The following RTN3 variants were observed in gnomAD, a reference collection of about 807,000 sequenced individuals.
RTN3 encodes the protein reticulon-3.
Under a neutral mutation model 77.8 loss-of-function variants are expected in RTN3, and 49 were observed. That is an observed-to-expected ratio of 0.63 (90% confidence interval 0.50 to 0.80). The LOEUF (loss-of-function observed/expected upper bound fraction) is 0.80, where lower values mean the gene tolerates loss of function less well. Ranked by LOEUF, RTN3 falls within the 30% of genes least tolerant of loss-of-function variation. RTN3 has a pLI of 0.00. For missense variants in RTN3, 1,236 were observed against 1,211.9 expected, an observed-to-expected ratio of 1.02 and a Z score of -0.29; for synonymous variants, 464 against 446.9, an observed-to-expected ratio of 1.04 and a Z score of -0.48.
intron 3 of RTN3, chr11:63,747,156 C>T (rs2135035057): frequency 1.0e-5 from 4 of 384,294 alleles, no homozygotes; most frequent in South Asian, 1.9e-5. Context: ...ATGTTTTGGG[C>T]GGGAATACCA....
rs775954141 is a variant in RTN3 at position 63,756,137 on chromosome 11, T to A, written c.3020T>A (p.Ile1007Asn). ...ACCCAGATTGATCACTATGTTGGCA[T>A]CGCCCGAGATCAGACCAAGTCAATT... is the stretch of plus-strand genomic sequence containing the variant. ...YKTQIDHYVG[I>N]ARDQTKSIVE... is the part of the protein sequence containing the mutation. The change falls in exon 8 of 9, where the codon ATC (isoleucine) becomes AAC (asparagine). Residue 1007 changes from isoleucine (I) to asparagine (N), a missense_variant. By Grantham distance (149) the Ile-to-Asn change is moderately radical. Around this residue, in one of 3 missense-constraint regions of RTN3, gnomAD observed 141 missense variants for 154.9 expected, o/e 0.91. Coordinates refer to ENST00000377819, the MANE Select transcript of RTN3 (RefSeq NM_001265589.2). The A allele has an allele frequency of 6.2e-7, 1 of 1,613,452 alleles. No individual in the cohort carries two copies. Among genetic ancestry groups the A allele is most frequent in the South Asian group, 1.1e-5 (1 of 91,070 alleles).
Position 63,750,056 on chromosome 11 carries a change from A to G in RTN3, c.2596A>G (p.Met866Val), listed in dbSNP as rs1424007856. ...GTTTGTCTTTGGCACCACGCTGATC[A>G]TGCTGCTTTCCCTGGCAGCTTTCAG... ...TGFVFGTTLI[M>V]LLSLAAFSVI... The change falls in exon 4 of 9, where the codon ATG becomes GTG. Residue 866 changes from methionine (M) to valine (V), a missense_variant. By Grantham distance (21) the Met-to-Val change is conservative. Coordinates refer to ENST00000377819, the MANE Select transcript of RTN3 (RefSeq NM_001265589.2). 1.8e-5 allele frequency: 29 copies of G among 1,613,780 alleles called. No homozygotes were observed. The highest frequency in any genetic ancestry group is 2.5e-5 in the Non-Finnish European group (29 of 1,179,844).
At chr11:63,736,973 C>CT (rs542211160) in intron 3 of RTN3, among the ~76,000 whole-genome samples, 16,007 of 140,610 alleles carry the variant, frequency 0.11, 1,028 homozygotes, top group South Asian at 0.18. Flanking sequence ...TCATAGAATC[C>CT]TTTTTTTTTT....
intron 1 of RTN3, among the ~76,000 whole-genome samples, chr11:63,689,176 C>T (rs1358892686): frequency 6.6e-6 from 1 of 152,098 alleles, no homozygotes; most frequent in East Asian, 1.9e-4. Flanking sequence ...AGCTAATACT[C>T]TTTGTATTGT....
At position 63,752,625 on chromosome 11, in the gene RTN3, G is replaced by C. The variant is rs1307552938; in HGVS notation, c.2857G>C (p.Asp953His). Reference sequence around the variant, plus strand: ...CATTATTCGTCTCTTTCTGGTAGAAGATCTGGTTGACTCCTTGAAGGTTAG... The same window carrying C: ...CATTATTCGTCTCTTTCTGGTAGAACATCTGGTTGACTCCTTGAAGGTTAG... ...KLIIRLFLVE[D>H]LVDSLKLAVF... is the part of the protein sequence containing the mutation. Residue 953 changes from aspartate to histidine, a missense_variant, in exon 5 of 9, where the codon GAT (aspartate) becomes CAT (histidine). Physicochemically the swap from Asp to His is moderately conservative, Grantham distance 81. Transcript: ENST00000377819. 6.2e-7 allele frequency: 1 copy of C among 1,613,954 alleles called. No individual in the cohort carries two copies. Among genetic ancestry groups the C allele is most frequent in the Non-Finnish European group, 8.5e-7 (1 of 1,180,002 alleles).
intron 2 of RTN3, among the ~76,000 whole-genome samples, chr11:63,713,363 C>G (rs550522851): frequency 6.6e-6 from 1 of 152,182 alleles, no homozygotes; most frequent in East Asian, 1.9e-4. Flanking sequence ...GCTTTGTCAC[C>G]CAGGGTGGAG....
At chr11:63,698,157 T>C (rs1942060880) in intron 1 of RTN3, among the ~76,000 whole-genome samples, 1 of 151,914 alleles carries the variant, frequency 6.6e-6, no homozygotes. Context: ...TTTAAAACAG[T>C]GTCTCACTCT....
rs1031428285 is a variant in RTN3 at position 63,735,195 on chromosome 11, G to T, written c.2530+14163G>T. ...AGTAGAGACAGGGTTTCATCTTGTT[G>T]CCCAGGCTGGTCTCGAACTCCCAAC... On this transcript the variant is annotated intron_variant, in intron 3 of 8. Coordinates refer to ENST00000377819, the MANE Select transcript of RTN3 (RefSeq NM_001265589.2). Among the ~76,000 whole-genome samples, 5 of 151,992 alleles carry T rather than the reference G, an allele frequency of 3.3e-5. No homozygotes were observed. The South Asian group carries it at 8.3e-4, about 25-fold the overall frequency.
chr11:63,741,207 TTATTTA>T, intron 3 of RTN3, among the ~76,000 whole-genome samples: 1 of 149,000 alleles, frequency 6.7e-6, no homozygotes, highest in Non-Finnish European at 1.5e-5. Context: ...ATTTATTTAT[TTATTTA>T]TTTTTTGAGA....
chr11:63,696,973 C>T (rs943423407), intron 1 of RTN3, among the ~76,000 whole-genome samples: 1 of 148,328 alleles, frequency 6.7e-6, no homozygotes, highest in African/African-American at 2.5e-5. Context: ...CAAACTCCGC[C>T]TCCCGGGTTC....
At chr11:63,740,961 A>G (rs1238782402) in intron 3 of RTN3, among the ~76,000 whole-genome samples, 2 of 151,998 alleles carry the variant, frequency 1.3e-5, no homozygotes, top group Non-Finnish European at 2.9e-5. Context: ...GTATTATCCT[A>G]TTTTACAAAT....
intron 3 of RTN3, among the ~76,000 whole-genome samples, chr11:63,725,484 T>A (rs1266354778): frequency 6.6e-6 from 1 of 152,084 alleles, no homozygotes; most frequent in Non-Finnish European, 1.5e-5. Flanking sequence ...AGTTTCACTC[T>A]GTCGCCCAGG....
chr11:63,694,549 T>C (rs1941836214), intron 1 of RTN3, among the ~76,000 whole-genome samples: 1 of 152,166 alleles, frequency 6.6e-6, no homozygotes, highest in Non-Finnish European at 1.5e-5. Flanking sequence ...ATCGGCTCAC[T>C]ACAACGTCCA....
chr11:63,721,837 TTAATG>T (rs1466750672), intron 3 of RTN3, among the ~76,000 whole-genome samples: 1 of 152,180 alleles, frequency 6.6e-6, no homozygotes, highest in Non-Finnish European at 1.5e-5. Context: ...AAACTTTTAA[TTAATG>T]TGATCGTATA....
At chr11:63,682,478 G>A (rs1243293012) in intron 1 of RTN3, among the ~76,000 whole-genome samples, 1 of 152,140 alleles carries the variant, frequency 6.6e-6, no homozygotes, top group Non-Finnish European at 1.5e-5. Flanking sequence ...ATCCGTGGCT[G>A]CATCTGCAAC....
intron 1 of RTN3, among the ~76,000 whole-genome samples, chr11:63,692,622 G>A (rs1048938364): frequency 6.6e-6 from 1 of 152,002 alleles, no homozygotes; most frequent in African/African-American, 2.4e-5. Flanking sequence ...TTAGCTGGGC[G>A]TGGTGGCATG....
Position 63,748,187 on chromosome 11 carries a change from T to C in RTN3, c.2531-1804T>C, listed in dbSNP as rs539389491. On this transcript the variant is annotated intron_variant, in intron 3 of 8. Transcript: ENST00000377819. ...AATAAAAGTAATGTCACTGCTAGAT[T>C]GGAGGTGATTGCCGGCACCTGCCAC... Among the ~76,000 whole-genome samples, 24 of 150,920 alleles carry C rather than the reference T, an allele frequency of 1.6e-4. 1 individual carries two copies. The South Asian group carries it at 5.1e-3, about 32-fold the overall frequency.
chr11:63,741,795 C>T (rs1283444129), intron 3 of RTN3, among the ~76,000 whole-genome samples: 1 of 152,132 alleles, frequency 6.6e-6, no homozygotes, highest in Non-Finnish European at 1.5e-5. Flanking sequence ...GCCACTGCGC[C>T]TGGCCTGAAA....
chr11:63,738,159 G>A (rs1451458031), intron 3 of RTN3, among the ~76,000 whole-genome samples: 1 of 152,096 alleles, frequency 6.6e-6, no homozygotes, highest in African/African-American at 2.4e-5. Context: ...TACATAAATT[G>A]TTCATATTAA....
Sources: allele counts gnomAD v4.1 joint callset (sites outside exome capture counted in the v4.1 genomes callset), GRCh38; gene constraint gnomAD v4.1.1; regional missense constraint gnomAD v4.1.1; transcripts MANE v1.5; gene names NCBI Gene and HGNC (gene_info 2026-07-23, HGNC 2026-07-21).